Variants in ZC3H12D observed in about 807,000 individuals in gnomAD.
The protein encoded by ZC3H12D is zinc finger CCCH-type containing 12D.
A neutral mutation model predicts 24.2 loss-of-function variants in ZC3H12D; 11 were observed. The observed-to-expected ratio is 0.46, with a 90% CI of 0.29 to 0.75. The LOEUF (loss-of-function observed/expected upper bound fraction) is 0.75, where lower values mean the gene tolerates loss of function less well. Among genes scored for constraint, ZC3H12D ranks in the 30% least tolerant of loss-of-function variants. The probability of loss-of-function intolerance (pLI) is 0.11; values close to 1 mark genes in which losing one functional copy is unlikely to be tolerated. For synonymous variants in ZC3H12D, 333 were observed against 341.8 expected (o/e 0.97, Z 0.28); for missense variants, 740 against 767.7 (o/e 0.96, Z 0.43).
At chr6:149,477,171 C>T (rs543929012) in intron 1 of ZC3H12D, among the ~76,000 whole-genome samples, 1 of 152,386 alleles carries the variant, frequency 6.6e-6, no homozygotes, top group South Asian at 2.1e-4. Flanking sequence ...CATCACTCAG[C>T]CAGGTTCCCA....
intron 2 of ZC3H12D, among the ~76,000 whole-genome samples, chr6:149,472,345 T>C (rs764478089): frequency 6.6e-6 from 1 of 152,014 alleles, no homozygotes; most frequent in Non-Finnish European, 1.5e-5. Flanking sequence ...TGTAGACACA[T>C]TGTGTGTGTG....
intron 1 of ZC3H12D, chr6:149,483,143 C>G (rs1776450519): frequency 6.6e-6 from 1 of 152,240 alleles, no homozygotes; most frequent in South Asian, 2.1e-4. Context: ...AGCTTTTCCA[C>G]AGAGGCCAAA....
chr6:149,455,511 C>T (rs923815969), intron 4 of ZC3H12D, among the ~76,000 whole-genome samples: 7 of 152,222 alleles, frequency 4.6e-5, no homozygotes, highest in Admixed American at 1.3e-4. Flanking sequence ...CTCTGTCACA[C>T]GCTGCTCGGG....
At chr6:149,453,991 A>G (rs58356010) in intron 4 of ZC3H12D, among the ~76,000 whole-genome samples, 3,241 of 152,288 alleles carry the variant, frequency 0.021, 116 homozygotes, top group African/African-American at 0.074. Context: ...CTGGGCTGTG[A>G]ACCTCCAGGC....
intron 3 of ZC3H12D, among the ~76,000 whole-genome samples, chr6:149,458,861 A>C (rs748490181): frequency 1.3e-5 from 2 of 152,026 alleles, no homozygotes; most frequent in African/African-American, 2.4e-5. Flanking sequence ...GCATCTTTTC[A>C]TATGTTTGTA....
In ZC3H12D at chr6:149,456,119, G is replaced by T. The variant is rs1775975901; in HGVS notation, c.680+547C>A. On this transcript the variant is annotated intron_variant, in intron 4 of 5. Coordinates refer to ENST00000409806, the MANE Select transcript of ZC3H12D (RefSeq NM_207360.3). The surrounding 1 kb of genome is among the most constrained non-coding windows in gnomAD (Gnocchi z 4.3). The stretch of plus-strand genomic sequence containing the variant: ...TACAAAAAATTAGCCAGGCATGGTG[G>T]TGCGTGCCTATAATCTCAGCTACTC... Among the ~76,000 whole-genome samples the T allele has an allele frequency of 1.3e-5, 2 of 151,876 alleles. No homozygotes were observed. The highest frequency in any genetic ancestry group is 4.2e-4 in the South Asian group (2 of 4,814).
chr6:149,456,776 C>T lies in ZC3H12D; in HGVS notation c.570G>A (p.Gln190=), dbSNP rs138795002. The T allele has an allele frequency of 4.4e-4, 716 of 1,613,750 alleles. 7 individuals carry two copies. The East Asian group carries it at 0.016, about 36-fold the overall frequency. Residue 190 remains glutamine, a synonymous_variant, in exon 4 of 6, where the codon CAG becomes CAA. Coordinates refer to ENST00000409806, the MANE Select transcript of ZC3H12D (RefSeq NM_207360.3). This position sits in a 1 kb window ranked among gnomAD's most constrained non-coding sequence, Gnocchi z 4.3. ...TGTCGTTGGAGACGATGACGCCGTC[C>T]TGCTCGTAGGCCACCTTCACGATGT... ...DRYIVKVAYE[Q]DGVIVSNDNY...
chr6:149,464,896 T>G (rs1473285930), intron 2 of ZC3H12D, among the ~76,000 whole-genome samples: 4 of 152,060 alleles, frequency 2.6e-5, no homozygotes, highest in Non-Finnish European at 4.4e-5. Flanking sequence ...AAGGATAAGT[T>G]CTTAGAGAGC....
At position 149,461,937 on chromosome 6, in the gene ZC3H12D, TC is replaced by T. The variant is rs1776079779; in HGVS notation, c.338del (p.Gly113GlufsTer72). 2 of 1,612,166 alleles carry T rather than the reference TC, an allele frequency of 1.2e-6. No individual in the cohort carries two copies. Among genetic ancestry groups the T allele is most frequent in the Non-Finnish European group, 1.7e-6 (2 of 1,179,264 alleles). On this transcript the variant is annotated frameshift_variant, in exon 3 of 6. Transcript: ENST00000409806. LOFTEE classifies it high-confidence loss of function. ...TGAACCAGTCAACAGCCAGCTTGAT[TC>T]CCCGGCAAGAGAAGGTTTCTTTATT... ...HGNKETFSCRGIKLAVDWFRD... is the reference protein window; with the variant it reads ...HGNKETFSCRXIKLAVDWFRD...
chr6:149,475,974 G>A (rs527767774), intron 1 of ZC3H12D, among the ~76,000 whole-genome samples: 51 of 152,138 alleles, frequency 3.4e-4, no homozygotes, highest in Non-Finnish European at 5.7e-4. Flanking sequence ...TATTGCAAGC[G>A]AAAACTCCAA....
chr6:149,475,460 G>A (rs1223007403), intron 1 of ZC3H12D, among the ~76,000 whole-genome samples: 1 of 152,158 alleles, frequency 6.6e-6, no homozygotes, highest in African/African-American at 2.4e-5. Flanking sequence ...GCTCACGCCT[G>A]TAATCCCAGC....
chr6:149,473,152 CAA>C (rs375631847), intron 2 of ZC3H12D, among the ~76,000 whole-genome samples: 64,343 of 148,534 alleles, frequency 0.43, 15,625 homozygotes, highest in African/African-American at 0.64. Flanking sequence ...AAAAAAAACT[CAA>C]AGTACACACC....
intron 3 of ZC3H12D, chr6:149,461,540 T>C (rs923285718): frequency 9.7e-6 from 2 of 206,288 alleles, no homozygotes; most frequent in Non-Finnish European, 1.9e-5. Flanking sequence ...CACAATTATT[T>C]TGATAACTTA....
chr6:149,448,337 T>C lies in ZC3H12D; in HGVS notation c.*2346A>G, dbSNP rs1229424112. 1.3e-5 allele frequency: 2 copies of C among 151,346 alleles called. No homozygotes were observed. Among genetic ancestry groups the C allele is most frequent in the Admixed American group, 6.6e-5 (1 of 15,182 alleles). 9.4% of individuals were successfully genotyped at this position (151,346 alleles called of 1,614,324 possible). A position where few individuals can be genotyped will look rare whatever the true frequency, so the allele number is the denominator to read the frequency against. ...TTAAAATAAAAAAAATAAAGGCCCG[T>C]TGAGGTGGCTCATGCCTGTAATCCC... is the stretch of plus-strand genomic sequence containing the variant. On this transcript the variant is annotated 3_prime_UTR_variant, in exon 6 of 6. Coordinates refer to ENST00000409806, the MANE Select transcript of ZC3H12D (RefSeq NM_207360.3).
At chr6:149,475,234 AC>A (rs1489820751) in intron 1 of ZC3H12D, among the ~76,000 whole-genome samples, 1 of 152,040 alleles carries the variant, frequency 6.6e-6, no homozygotes, top group Admixed American at 6.5e-5. Context: ...GCTCTGGGGC[AC>A]CCAGCTCTCG....
rs1775879885 is a variant in ZC3H12D at position 149,450,915 on chromosome 6, A to G, written c.1352T>C (p.Val451Ala). ...PRSDRFPGRS[V>A]WAEPAWGDGA... Reference sequence around the variant, plus strand: ...GTCGCCCCAGGCCGGCTCCGCCCAGACGGAGCGCCCAGGGAAGCGGTCGGA... The same window carrying G: ...GTCGCCCCAGGCCGGCTCCGCCCAGGCGGAGCGCCCAGGGAAGCGGTCGGA... The change falls in exon 6 of 6, where the codon GTC becomes GCC. Residue 451 changes from valine (V) to alanine (A), a missense_variant. Transcript: ENST00000409806. 1.3e-6 allele frequency: 2 copies of G among 1,539,798 alleles called. No homozygotes were observed. The highest frequency in any genetic ancestry group is 1.4e-5 in the African/African-American group (1 of 72,948).
chr6:149,465,094 C>G (rs1316404602), intron 2 of ZC3H12D, among the ~76,000 whole-genome samples: 1 of 152,228 alleles, frequency 6.6e-6, no homozygotes, highest in African/African-American at 2.4e-5. Flanking sequence ...TGGCTCATGC[C>G]TGTAATCCCA....
Position 149,447,058 on chromosome 6 carries a change from A to G in ZC3H12D, c.*3625T>C, listed in dbSNP as rs1775790043. 6.6e-6 allele frequency: 1 copy of G among 152,168 alleles called. No homozygotes were observed. The highest frequency in any genetic ancestry group is 1.5e-5 in the Non-Finnish European group (1 of 68,028). The allele number at this position is 152,168 out of a possible 1,614,324, so 9.4% of individuals were successfully genotyped here. On this transcript the variant is annotated 3_prime_UTR_variant, in exon 6 of 6. Transcript: ENST00000409806. ...TCTATAATGAGGATTTTAGAAGTCTAGGAAATGGGCAAGCAGCCTGTGTCC... is the reference window on the plus strand; with the variant it reads ...TCTATAATGAGGATTTTAGAAGTCTGGGAAATGGGCAAGCAGCCTGTGTCC...
chr6:149,471,830 T>A (rs1234159074), intron 2 of ZC3H12D, among the ~76,000 whole-genome samples: 2 of 152,220 alleles, frequency 1.3e-5, no homozygotes, highest in Non-Finnish European at 2.9e-5. Flanking sequence ...ACACTTCTCA[T>A]CCGCTCAAGG....
Sources: gnomAD v4.1 joint callset for allele counts (sites outside exome capture counted in the v4.1 genomes callset) on GRCh38, gnomAD v4.1.1 for gene constraint, Gnocchi (gnomAD v3.1) non-coding constraint, MANE v1.5 for transcripts, NCBI Gene and HGNC (gene_info 2026-07-23, HGNC 2026-07-21) for gene names.